Variants in ADAMTS17 observed in about 807,000 individuals in gnomAD.
ADAMTS17 encodes A disintegrin and metalloproteinase with thrombospondin motifs 17.
In ADAMTS17, 113 loss-of-function variants were observed where a neutral mutation model predicts 141.5. The observed-to-expected ratio is 0.80, with a 90% confidence interval of 0.69 to 0.93. ADAMTS17 has a LOEUF of 0.93. Among genes scored for constraint, ADAMTS17 ranks in the 40% least tolerant of loss-of-function variants. The pLI is 0.00. For synonymous variants in ADAMTS17, 768 were observed against 630.6 expected, an observed-to-expected ratio of 1.22 and a Z score of -3.27; for missense variants, 1,659 against 1,517.9, an observed-to-expected ratio of 1.09 and a Z score of -1.54.
intron 17 of ADAMTS17, among the ~76,000 whole-genome samples, chr15:100,049,529 A>G: frequency 6.6e-6 from 1 of 152,178 alleles, no homozygotes; most frequent in East Asian, 1.9e-4. Context: ...GCCAGCTGGT[A>G]CTTATGGCTG....
intron 6 of ADAMTS17, chr15:100,256,585 C>T (rs2043334480): frequency 6.6e-6 from 1 of 152,200 alleles, no homozygotes; most frequent in Admixed American, 6.5e-5. Flanking sequence ...CAAAGCCTGG[C>T]AAGAGGGTCC....
intron 7 of ADAMTS17, among the ~76,000 whole-genome samples, chr15:100,246,319 A>C (rs1476003551): frequency 6.6e-6 from 1 of 152,152 alleles, no homozygotes; most frequent in Non-Finnish European, 1.5e-5. Flanking sequence ...CAGATGGTCT[A>C]TTTTTTAATA....
intron 7 of ADAMTS17, among the ~76,000 whole-genome samples, chr15:100,228,904 C>T (rs533330688): frequency 9.8e-5 from 15 of 152,298 alleles, no homozygotes; most frequent in East Asian, 5.8e-4. Flanking sequence ...CCTGCCTCTA[C>T]GAGGGGGCCA....
chr15:100,074,519 G>A (rs1000292298), intron 15 of ADAMTS17, among the ~76,000 whole-genome samples: 23 of 151,960 alleles, frequency 1.5e-4, no homozygotes, highest in Admixed American at 4.6e-4. Context: ...TCTATTAACA[G>A]TATAATTATA....
chr15:100,322,194 C>T (rs183313867), intron 3 of ADAMTS17, among the ~76,000 whole-genome samples: 56 of 152,220 alleles, frequency 3.7e-4, no homozygotes, highest in African/African-American at 1.1e-3. Flanking sequence ...GAAGGGGTAA[C>T]GCTCCAACAG....
chr15:100,130,951 G>A (rs771971746), intron 12 of ADAMTS17, among the ~76,000 whole-genome samples: 15 of 152,040 alleles, frequency 9.9e-5, no homozygotes, highest in Non-Finnish European at 1.6e-4. Flanking sequence ...CAATAGCAAA[G>A]ACTTGGAACC....
rs2141998357 is a variant in ADAMTS17, at chr15:100,341,293, G to A, written c.196C>T (p.Arg66Cys). The A allele has an allele frequency of 4.5e-6, 5 of 1,116,598 alleles. No individual in the cohort carries two copies. Among genetic ancestry groups the A allele is most frequent in the Non-Finnish European group, 5.4e-6 (5 of 917,600 alleles). 69.2% of individuals were successfully genotyped at this position (1,116,598 alleles called of 1,614,324 possible). ...GCGCGCGGGGCGGCTGGGGGCGTGC[G>A]GGGGCGTCGCCGCCGTCGGGGCCCG... ...APGPRRRRRP[R>C]TPPAAPRARP... Residue 66 changes from arginine to cysteine, a missense_variant, in exon 2 of 22, where the codon CGC becomes TGC. By Grantham distance (180) the Arg-to-Cys change is radical. Transcript: ENST00000268070.
rs1363969208 is a variant in ADAMTS17 at position 100,281,146 on chromosome 15, A to C, written c.789+83T>G. ...CCCAGCGTCTTCCTCACTTGAGGAG[A>C]TGAGGACACAGCACCTGCTTCCAGA... is the stretch of plus-strand genomic sequence containing the variant. On this transcript the variant is annotated intron_variant, in intron 4 of 21. Coordinates refer to ENST00000268070, the MANE Select transcript of ADAMTS17 (RefSeq NM_139057.4). 3 of 1,568,474 alleles carry C rather than the reference A, an allele frequency of 1.9e-6. No individual in the cohort carries two copies. The Admixed American group carries it at 5.0e-5, about 26-fold the overall frequency.
At chr15:100,023,269 T>C (rs993994949) in intron 18 of ADAMTS17, among the ~76,000 whole-genome samples, 5 of 152,124 alleles carry the variant, frequency 3.3e-5, no homozygotes, top group African/African-American at 1.2e-4. Flanking sequence ...TGGTGTGATC[T>C]TGGCTCACTG....
intron 15 of ADAMTS17, among the ~76,000 whole-genome samples, chr15:100,095,473 G>A (rs1157366601): frequency 1.3e-5 from 2 of 152,134 alleles, no homozygotes; most frequent in Admixed American, 1.3e-4. Context: ...AGGCATAAAT[G>A]TGCTTCTGTT....
intron 14 of ADAMTS17, among the ~76,000 whole-genome samples, chr15:100,105,998 A>T (rs537969618): frequency 1.4e-5 from 2 of 138,396 alleles, no homozygotes; most frequent in Admixed American, 7.2e-5. Flanking sequence ...GCCTCAAGAA[A>T]ATGATTTTTT....
intron 7 of ADAMTS17, among the ~76,000 whole-genome samples, chr15:100,248,034 T>C (rs911689031): frequency 2.1e-4 from 32 of 152,058 alleles, no homozygotes; most frequent in African/African-American, 7.7e-4. Context: ...TCTCCCCAAG[T>C]TCAGGGAAAG....
At chr15:100,104,500 CT>C (rs1279045333) in intron 14 of ADAMTS17, among the ~76,000 whole-genome samples, 1 of 152,178 alleles carries the variant, frequency 6.6e-6, no homozygotes, top group African/African-American at 2.4e-5. Context: ...GTGGAATCTA[CT>C]CAAAATGCCA....
intron 3 of ADAMTS17, among the ~76,000 whole-genome samples, chr15:100,325,330 A>T (rs1291655630): frequency 4.6e-5 from 7 of 152,208 alleles, no homozygotes; most frequent in Admixed American, 3.3e-4. Flanking sequence ...ATTTGCAGAT[A>T]GGGTTTTTAC....
At chr15:100,265,323 A>T (rs8025563) in intron 4 of ADAMTS17, among the ~76,000 whole-genome samples, 1 of 152,066 alleles carries the variant, frequency 6.6e-6, no homozygotes, top group Non-Finnish European at 1.5e-5. Flanking sequence ...TTTTTTTCCC[A>T]TGGAAACTCA....
rs1213804801 is a variant in ADAMTS17 at position 99,993,857 on chromosome 15, C to A, written c.2797-657G>T. Among the ~76,000 whole-genome samples the A allele has an allele frequency of 1.3e-5, 2 of 152,096 alleles. No individual in the cohort carries two copies. The highest frequency in any genetic ancestry group is 2.9e-5 in the Non-Finnish European group (2 of 68,010). ...GTTTACTTACTTGCAGGAGACCTGG[C>A]AAGGGGCAGTGGGGATGGGACCTGG... On this transcript the variant is annotated intron_variant, in intron 19 of 21. Transcript: ENST00000268070. This position sits in a 1 kb window ranked among gnomAD's most constrained non-coding sequence, Gnocchi z 4.3.
chr15:100,138,427 G>A (rs2038449064), intron 10 of ADAMTS17, among the ~76,000 whole-genome samples: 2 of 152,286 alleles, frequency 1.3e-5, no homozygotes, highest in South Asian at 2.1e-4. Context: ...ACATAAACAA[G>A]CTAGCAGCAA....
chr15:100,106,001 GATTT>G (rs1243334142), intron 14 of ADAMTS17, among the ~76,000 whole-genome samples: 1 of 134,844 alleles, frequency 7.4e-6, no homozygotes, highest in Non-Finnish European at 1.7e-5. Context: ...TCAAGAAAAT[GATTT>G]TTTTTTTTCA....
intron 2 of ADAMTS17, among the ~76,000 whole-genome samples, chr15:100,331,471 G>T (rs1430753362): frequency 6.6e-6 from 1 of 152,106 alleles, no homozygotes; most frequent in Non-Finnish European, 1.5e-5. Flanking sequence ...TTATCCCTGG[G>T]TATATTAAGA....
Sources: allele counts gnomAD v4.1 joint callset (sites outside exome capture counted in the v4.1 genomes callset), GRCh38; gene constraint gnomAD v4.1.1; non-coding constraint Gnocchi (gnomAD v3.1); transcripts MANE v1.5; gene names NCBI Gene and HGNC (gene_info 2026-07-23, HGNC 2026-07-21).